Variants in SP140 observed in about 807,000 individuals in gnomAD.
SP140 encodes nuclear body protein SP140.
A neutral mutation model predicts 125.0 loss-of-function variants in SP140; 81 were observed. That is an observed-to-expected ratio of 0.65 (90% CI 0.54 to 0.78). The LOEUF is 0.78. Ranked by LOEUF, SP140 falls within the 30% of genes least tolerant of loss-of-function variation. SP140 has a pLI of 0.00. For synonymous variants in SP140, 312 were observed against 354.0 expected (o/e 0.88, Z 1.33); for missense variants, 858 against 1,037.0 (o/e 0.83, Z 2.37).
chr2:230,290,661 TG>T, intron 19 of SP140, 97 bp downstream of exon 19: 1 of 1,107,666 alleles, frequency 9.0e-7, no homozygotes, highest in Non-Finnish European at 1.3e-6. Flanking sequence ...TCAAGGAGTT[TG>T]GTCCCAGTTT....
At chr2:230,212,638 T>G (rs2044621638) in intron 1 of SP140, 7 of 1,332,412 alleles carry the variant, frequency 5.3e-6, no homozygotes, top group Non-Finnish European at 6.5e-6. Context: ...GGGTTGTGTT[T>G]GGGTAGATGG....
intron 1 of SP140, among the ~76,000 whole-genome samples, chr2:230,231,576 A>G (rs566679697): frequency 3.4e-4 from 51 of 152,154 alleles, no homozygotes; most frequent in African/African-American, 1.2e-3. Context: ...CTCTTATTAT[A>G]CAGGAACCCT....
intron 7 of SP140, among the ~76,000 whole-genome samples, chr2:230,246,874 T>C (rs1032020944): frequency 1.3e-5 from 2 of 151,826 alleles, no homozygotes; most frequent in Non-Finnish European, 2.9e-5. Flanking sequence ...GCACAAAAGT[T>C]GTACACAGAG....
chr2:230,197,756 A>C, the SP140 span, among the ~76,000 whole-genome samples: 1 of 151,996 alleles, frequency 6.6e-6, no homozygotes, highest in Admixed American at 6.6e-5. Context: ...TCAGCTTTCT[A>C]CATATGGCTA....
Position 230,253,400 on chromosome 2 carries a change from T to A in SP140, c.1142T>A (p.Leu381Gln). 1 of 1,604,494 alleles carries A rather than the reference T, an allele frequency of 6.2e-7. No individual in the cohort carries two copies. The highest frequency in any genetic ancestry group is 1.3e-5 in the African/African-American group (1 of 74,812). Reference sequence around the variant, plus strand: ...GAACCAGAGAAGGAGCTCAGTCTACTACCAGGTGAAGGAGAAGGTAATTAT... The same window carrying A: ...GAACCAGAGAAGGAGCTCAGTCTACAACCAGGTGAAGGAGAAGGTAATTAT... ...EGEPEKELSL[L>Q]PGEGEEGSDD... is the part of the protein sequence containing the mutation. Residue 381 changes from leucine to glutamine, a missense_variant, in exon 11 of 27, where the codon CTA becomes CAA. Leu to Gln is a moderately radical substitution (Grantham distance 113). Coordinates refer to ENST00000392045, the MANE Select transcript of SP140 (RefSeq NM_007237.5).
At chr2:230,267,190 A>T (rs2053250121) in intron 12 of SP140, among the ~76,000 whole-genome samples, 1 of 152,182 alleles carries the variant, frequency 6.6e-6, no homozygotes, top group African/African-American at 2.4e-5. Context: ...GACTGAAGAG[A>T]TTGTAGTAAT....
intron 3 of SP140, chr2:230,239,087 A>G: frequency 9.6e-6 from 13 of 1,359,708 alleles, no homozygotes; most frequent in African/African-American, 1.5e-5. Context: ...AAGTAAAAGA[A>G]GTCAGTATGA....
chr2:230,212,818 G>T, intron 1 of SP140: 1 of 1,614,116 alleles, frequency 6.2e-7, no homozygotes, highest in Non-Finnish European at 8.5e-7. Flanking sequence ...GGGTCAGATG[G>T]GCTGGGCGAC....
At chr2:230,212,467 A>T (rs199520216) in intron 1 of SP140, 1 of 1,470,000 alleles carries the variant, frequency 6.8e-7, no homozygotes. Context: ...GATTGCAGGG[A>T]CTGGATGTCA....
At position 230,237,039 on chromosome 2, in the gene SP140, T is replaced by A; in HGVS notation, c.60-44T>A. The A allele has an allele frequency of 6.7e-7, 1 of 1,488,376 alleles. No individual in the cohort carries two copies. Among genetic ancestry groups the A allele is most frequent in the Non-Finnish European group, 9.0e-7 (1 of 1,113,840 alleles). The allele number at this position is 1,488,376 out of a possible 1,614,324, so 92.2% of individuals were successfully genotyped here. A position where few individuals can be genotyped will look rare whatever the true frequency, so the allele number is the denominator to read the frequency against. On this transcript the variant is annotated intron_variant, in intron 1 of 26. Coordinates refer to ENST00000392045, the MANE Select transcript of SP140 (RefSeq NM_007237.5). This position sits in a 1 kb window ranked among gnomAD's most constrained non-coding sequence, Gnocchi z 5.4. ...AATCTTCTAACCACCACAAACCTCTTGGAAACTCAGTGTCTACTTCCACGT... is the reference window on the plus strand; with the variant it reads ...AATCTTCTAACCACCACAAACCTCTAGGAAACTCAGTGTCTACTTCCACGT...
At chr2:230,218,771 G>C (rs1355933013) in intron 3 of SP140, among the ~76,000 whole-genome samples, 1 of 152,168 alleles carries the variant, frequency 6.6e-6, no homozygotes, top group Non-Finnish European at 1.5e-5. Context: ...ATATATGACT[G>C]TTCAGATTTT....
intron 15 of SP140, among the ~76,000 whole-genome samples, chr2:230,279,897 A>G (rs1177208712): frequency 6.6e-6 from 1 of 151,980 alleles, no homozygotes; most frequent in Non-Finnish European, 1.5e-5. Flanking sequence ...AAGTGGGAAT[A>G]CAGGCATATA....
intron 3 of SP140, among the ~76,000 whole-genome samples, chr2:230,220,623 A>C (rs1559189773): frequency 1.3e-5 from 2 of 152,336 alleles, no homozygotes; most frequent in South Asian, 4.1e-4. Context: ...TCCAGAGAGC[A>C]GTAACTCAAG....
intron 22 of SP140, among the ~76,000 whole-genome samples, chr2:230,299,421 G>C (rs933030657): frequency 1.3e-5 from 2 of 152,194 alleles, no homozygotes; most frequent in African/African-American, 4.8e-5. Flanking sequence ...AGCAGGAAGA[G>C]GTGCCTTCCC....
chr2:230,253,511 T>C (rs1158477935), intron 11 of SP140, 94 bp downstream of exon 11: 9 of 901,546 alleles, frequency 1.0e-5, no homozygotes, highest in Admixed American at 1.9e-5. Context: ...CCTACCCTTC[T>C]CTTCTTCACA....
intron 3 of SP140, chr2:230,238,999 G>T (rs1020501703): frequency 6.8e-7 from 1 of 1,477,980 alleles, no homozygotes; most frequent in Non-Finnish European, 9.0e-7. Flanking sequence ...ATTCTGGAAG[G>T]CTTGACACCC....
intron 7 of SP140, among the ~76,000 whole-genome samples, chr2:230,246,715 G>T (rs2049505597): frequency 6.6e-6 from 1 of 152,058 alleles, no homozygotes; most frequent in African/African-American, 2.4e-5. Context: ...TAATTAGAGA[G>T]AACAGATAGA....
At chr2:230,203,157 G>T in exon 1 of SP140, 1 of 224,584 alleles carries the variant, frequency 4.5e-6, no homozygotes, top group Non-Finnish European at 9.0e-6. Flanking sequence ...CCTTCAGTGG[G>T]CAAAGTGCAA....
At chr2:230,262,314 CA>C (rs2052399850) in intron 12 of SP140, among the ~76,000 whole-genome samples, 1 of 152,062 alleles carries the variant, frequency 6.6e-6, no homozygotes, top group African/African-American at 2.4e-5. Context: ...TTTCATTTCT[CA>C]GTGACGTTAT....
Sources: gnomAD v4.1 joint callset for allele counts (sites outside exome capture counted in the v4.1 genomes callset) on GRCh38, gnomAD v4.1.1 for gene constraint, Gnocchi (gnomAD v3.1) non-coding constraint, MANE v1.5 for transcripts, NCBI Gene and HGNC (gene_info 2026-07-23, HGNC 2026-07-21) for gene names.